NPAS3: variants seen among roughly 807,000 people sequenced by gnomAD.
NPAS3 encodes the protein neuronal PAS domain-containing protein 3.
Under a neutral mutation model 73.1 loss-of-function variants are expected in NPAS3, and 14 were observed. The ratio of observed to expected loss-of-function variants is 0.19; its 90% confidence interval spans 0.13 to 0.30. The LOEUF (loss-of-function observed/expected upper bound fraction) is 0.30. Among genes scored for constraint, NPAS3 ranks in the 10% least tolerant of loss-of-function variants. NPAS3 has a pLI of 1.00. For synonymous variants in NPAS3, 620 were observed against 541.5 expected (o/e 1.14, Z -2.01); for missense variants, 1,096 against 1,250.0 (o/e 0.88, Z 1.86).
chr14:33,125,641 A>T (rs1034951585), intron 2 of NPAS3, among the ~76,000 whole-genome samples: 2 of 152,126 alleles, frequency 1.3e-5, no homozygotes, highest in Non-Finnish European at 2.9e-5. Context: ...AATGGACAAA[A>T]GCCTGTGAAA....
At chr14:32,938,342 T>G (rs2035768350), upstream of NPAS3, among the ~76,000 whole-genome samples, 2 of 151,948 alleles carry the variant, frequency 1.3e-5, no homozygotes, top group Non-Finnish European at 2.9e-5. Flanking sequence ...CCAGTTCCTT[T>G]TTCTGTTTCT....
chr14:33,015,666 A>T (rs181817457), intron 1 of NPAS3, among the ~76,000 whole-genome samples: 4,799 of 152,312 alleles, frequency 0.032, 200 homozygotes, highest in African/African-American at 0.095. Context: ...GTACTCACAC[A>T]TATATACACA....
chr14:33,226,464 G>A (rs1362745162), intron 3 of NPAS3, among the ~76,000 whole-genome samples: 1 of 152,100 alleles, frequency 6.6e-6, no homozygotes, highest in Admixed American at 6.6e-5. Flanking sequence ...ATTATTATCA[G>A]CAATACAATG....
chr14:33,256,712 A>G (rs2048791595), intron 3 of NPAS3, among the ~76,000 whole-genome samples: 1 of 152,246 alleles, frequency 6.6e-6, no homozygotes, highest in South Asian at 2.1e-4. Context: ...TTGTAAACAC[A>G]ATATAATTTT....
chr14:33,397,933 A>C (rs1254175947), intron 4 of NPAS3, among the ~76,000 whole-genome samples: 1 of 152,166 alleles, frequency 6.6e-6, no homozygotes, highest in Non-Finnish European at 1.5e-5. Context: ...ATTTAACTGA[A>C]TTCAGTCCAT....
chr14:33,479,558 G>T (rs1229441896), intron 4 of NPAS3, among the ~76,000 whole-genome samples: 1 of 152,180 alleles, frequency 6.6e-6, no homozygotes, highest in African/African-American at 2.4e-5. Context: ...GTTAAGAAAA[G>T]CTCTAAAGCC....
At chr14:33,305,415 C>T (rs1457717115) in intron 3 of NPAS3, among the ~76,000 whole-genome samples, 1 of 152,038 alleles carries the variant, frequency 6.6e-6, no homozygotes, top group Non-Finnish European at 1.5e-5. Flanking sequence ...CTAGATAGGA[C>T]ATTCTCACCT....
At chr14:33,277,836 G>A (rs1261021617) in intron 3 of NPAS3, among the ~76,000 whole-genome samples, 2 of 152,070 alleles carry the variant, frequency 1.3e-5, no homozygotes, top group Non-Finnish European at 2.9e-5. Flanking sequence ...GGAGGATGTT[G>A]GGAGGGTTCA....
intron 7 of NPAS3, among the ~76,000 whole-genome samples, chr14:33,764,024 C>T (rs2062380637): frequency 1.3e-5 from 2 of 152,280 alleles, no homozygotes; most frequent in Middle Eastern, 3.4e-3. Flanking sequence ...TACCCATCTA[C>T]ATGGACAATT....
At chr14:33,349,355 G>A (rs1239545012) in intron 3 of NPAS3, among the ~76,000 whole-genome samples, 3 of 152,146 alleles carry the variant, frequency 2.0e-5, no homozygotes, top group African/African-American at 7.2e-5. Flanking sequence ...TTCTTTCTAT[G>A]ATAGAATTAT....
intron 5 of NPAS3, among the ~76,000 whole-genome samples, chr14:33,639,897 T>C (rs2058628547): frequency 2.0e-5 from 3 of 152,204 alleles, no homozygotes. Context: ...TTCAGCTATA[T>C]TGTCTTACTG....
intron 1 of NPAS3, among the ~76,000 whole-genome samples, chr14:32,996,629 G>T (rs1478193530): frequency 6.8e-6 from 1 of 146,454 alleles, no homozygotes; most frequent in East Asian, 2.1e-4. Flanking sequence ...GCTTCAGAGG[G>T]TGCAAGCCTC....
At chr14:32,990,241 T>C (rs1302530912) in intron 1 of NPAS3, among the ~76,000 whole-genome samples, 4 of 152,212 alleles carry the variant, frequency 2.6e-5, no homozygotes, top group Non-Finnish European at 5.9e-5. Context: ...ATGTATTTGA[T>C]AAGCAAGTGC....
chr14:33,656,001 T>A (rs74042359), intron 5 of NPAS3, among the ~76,000 whole-genome samples: 61 of 152,332 alleles, frequency 4.0e-4, no homozygotes, highest in African/African-American at 1.4e-3. Flanking sequence ...ACCAGTTTTC[T>A]CACTTGGTGG....
chr14:33,145,867 T>C (rs1197891315), intron 2 of NPAS3, among the ~76,000 whole-genome samples: 1 of 152,146 alleles, frequency 6.6e-6, no homozygotes, highest in African/African-American at 2.4e-5. Context: ...GAACTGGAAA[T>C]GTGACCTCTT....
chr14:33,589,579 C>T (rs576101758), intron 5 of NPAS3, among the ~76,000 whole-genome samples: 1 of 152,294 alleles, frequency 6.6e-6, no homozygotes, highest in East Asian at 1.9e-4. Flanking sequence ...TGAGTCAAAG[C>T]ATTGCTTAAT....
chr14:32,962,242 T>C (rs1332750498), intron 1 of NPAS3, among the ~76,000 whole-genome samples: 1 of 152,194 alleles, frequency 6.6e-6, no homozygotes, highest in Non-Finnish European at 1.5e-5. Context: ...GGTTTATTAA[T>C]ATTGGTTTAA....
intron 3 of NPAS3, among the ~76,000 whole-genome samples, chr14:33,342,345 C>T (rs1282988111): frequency 1.3e-5 from 2 of 152,178 alleles, no homozygotes; most frequent in Non-Finnish European, 2.9e-5. Context: ...CAGTGTAAAG[C>T]TGTTAAGTGT....
At chr14:33,615,228 G>A (rs1190685422) in intron 5 of NPAS3, among the ~76,000 whole-genome samples, 1 of 152,168 alleles carries the variant, frequency 6.6e-6, no homozygotes, top group Non-Finnish European at 1.5e-5. Flanking sequence ...CTAAAGAGTT[G>A]AAACTTTACC....
Sources: allele counts gnomAD v4.1 joint callset (sites outside exome capture counted in the v4.1 genomes callset), GRCh38; gene constraint gnomAD v4.1.1; transcripts MANE v1.5; gene names NCBI Gene and HGNC (gene_info 2026-07-23, HGNC 2026-07-21).